The following STON2 variants were observed in gnomAD, a reference collection of about 807,000 sequenced individuals.
The protein encoded by STON2 is stonin-2.
A neutral mutation model predicts 65.7 loss-of-function variants in STON2; 29 were observed. That is an observed-to-expected ratio of 0.44 (90% CI 0.33 to 0.60). STON2 has a LOEUF of 0.60. Among genes scored for constraint, STON2 ranks in the 20% least tolerant of loss-of-function variants. The pLI is 0.03. For synonymous variants in STON2, 404 were observed against 414.2 expected (o/e 0.98, Z 0.30); for missense variants, 1,054 against 1,118.1 (o/e 0.94, Z 0.82).
intron 4 of STON2, among the ~76,000 whole-genome samples, chr14:81,334,865 T>G (rs1320541512): frequency 1.3e-5 from 2 of 151,954 alleles, no homozygotes; most frequent in Non-Finnish European, 2.9e-5. Flanking sequence ...AGAGACAGAG[T>G]CTCATTCTGT....
At position 81,286,632 on chromosome 14, in the gene STON2, C is replaced by G. The variant is rs573556158; in HGVS notation, c.743-7893G>C. Among the ~76,000 whole-genome samples, 29 of 152,330 alleles carry G rather than the reference C, an allele frequency of 1.9e-4. 1 individual carries two copies. In the South Asian group the frequency reaches 5.8e-3, roughly 30 times the overall value. Reference sequence around the variant, plus strand: ...GTGACTTGCTCTACTGCAATCCTTGCTTTATTGCAGTGGTCTGAAACCAAA... The same window carrying G: ...GTGACTTGCTCTACTGCAATCCTTGGTTTATTGCAGTGGTCTGAAACCAAA... On this transcript the variant is annotated intron_variant, in intron 5 of 7. Coordinates refer to ENST00000614646, the MANE Select transcript of STON2 (RefSeq NM_001394390.1).
At chr14:81,434,823 G>A (rs1902351582) in intron 1 of STON2, among the ~76,000 whole-genome samples, 1 of 152,160 alleles carries the variant, frequency 6.6e-6, no homozygotes, top group South Asian at 2.1e-4. Flanking sequence ...AGAAAAGAAA[G>A]TGACACAGTG....
chr14:81,345,176 T>C (rs1897763737), intron 4 of STON2, among the ~76,000 whole-genome samples: 1 of 152,208 alleles, frequency 6.6e-6, no homozygotes, highest in Non-Finnish European at 1.5e-5. Context: ...GGGAGGAAAC[T>C]TCTGAATTGT....
At chr14:81,290,833 A>G (rs949583890) in intron 5 of STON2, among the ~76,000 whole-genome samples, 2 of 152,214 alleles carry the variant, frequency 1.3e-5, no homozygotes, top group African/African-American at 4.8e-5. Context: ...TTTAGTTACC[A>G]AGATCAAAGG....
intron 4 of STON2, among the ~76,000 whole-genome samples, chr14:81,350,910 T>C (rs972723385): frequency 5.9e-5 from 9 of 152,200 alleles, no homozygotes; most frequent in African/African-American, 2.2e-4. Flanking sequence ...TAAATCTTTC[T>C]GAAGCCCTGA....
intron 1 of STON2, among the ~76,000 whole-genome samples, chr14:81,435,545 G>C (rs552512493): frequency 6.6e-6 from 1 of 152,258 alleles, no homozygotes; most frequent in East Asian, 1.9e-4. Context: ...AGGGGGAAAC[G>C]GGGAGCGTCG....
rs907281591 is a variant in STON2 at position 81,420,704 on chromosome 14, G to T, written c.-199+6398C>A. 6.6e-5 allele frequency among the ~76,000 whole-genome samples: 10 copies of T among 152,142 alleles called. 1 individual carries two copies. The highest frequency in any genetic ancestry group is 3.3e-4 in the Admixed American group (5 of 15,270). On this transcript the variant is annotated intron_variant, in intron 2 of 8. Coordinates refer to the STON2 transcript ENST00000553821. ...TAGAAATTAGTTCTGTGAGGCAGGG[G>T]TCACTGGTGGAGAAAATGGACATTC... is the stretch of plus-strand genomic sequence containing the variant.
chr14:81,332,996 C>A, intron 4 of STON2: 1 of 528,180 alleles, frequency 1.9e-6, no homozygotes, highest in South Asian at 2.1e-5. Context: ...TTGGCCTTTG[C>A]AGTCCCCCTG....
At chr14:81,418,996 G>C (rs1901574198) in intron 2 of STON2, among the ~76,000 whole-genome samples, 1 of 151,468 alleles carries the variant, frequency 6.6e-6, no homozygotes, top group Admixed American at 6.6e-5. Flanking sequence ...AAAAGTTTCA[G>C]ACCAAGAAAA....
At chr14:81,284,061 CA>C (rs1595291597) in intron 5 of STON2, among the ~76,000 whole-genome samples, 1 of 152,182 alleles carries the variant, frequency 6.6e-6, no homozygotes, top group African/African-American at 2.4e-5. Context: ...TAAACTTAAT[CA>C]ATAAAATGTG....
chr14:81,388,849 T>C (rs111821102), intron 3 of STON2, among the ~76,000 whole-genome samples: 4,777 of 152,278 alleles, frequency 0.031, 107 homozygotes, highest in African/African-American at 0.062. Flanking sequence ...GCTAGTCTCT[T>C]TCCCAACTTC....
intron 4 of STON2, among the ~76,000 whole-genome samples, chr14:81,331,624 A>G (rs918806697): frequency 2.0e-5 from 3 of 152,214 alleles, no homozygotes; most frequent in African/African-American, 7.2e-5. Context: ...AGACCCTCAG[A>G]TCACTTCATA....
At chr14:81,310,754 T>C (rs1896392930) in intron 5 of STON2, among the ~76,000 whole-genome samples, 1 of 152,186 alleles carries the variant, frequency 6.6e-6, no homozygotes, top group Admixed American at 6.5e-5. Context: ...GGAAACCTCC[T>C]GTTTCCTCTC....
intron 2 of STON2, among the ~76,000 whole-genome samples, chr14:81,421,032 G>T (rs1328498163): frequency 1.3e-5 from 2 of 152,170 alleles, no homozygotes; most frequent in African/African-American, 4.8e-5. Flanking sequence ...GCTCAGAAAT[G>T]AGGTTCATGT....
intron 5 of STON2, among the ~76,000 whole-genome samples, chr14:81,312,406 A>T (rs1438508298): frequency 2.0e-5 from 3 of 152,238 alleles, no homozygotes; most frequent in Admixed American, 1.3e-4. Context: ...CCTGTCTTCA[A>T]GGTAACGCAA....
intron 3 of STON2, among the ~76,000 whole-genome samples, chr14:81,371,692 G>GAAAAAAAA (rs1899006102): frequency 1.0e-5 from 1 of 98,238 alleles, no homozygotes; most frequent in African/African-American, 3.6e-5. Flanking sequence ...AAAAAAAAAA[G>GAAAAAAAA]AAAAGAAAAG....
chr14:81,330,329 C>G (rs1158671475), intron 4 of STON2, among the ~76,000 whole-genome samples: 2 of 152,182 alleles, frequency 1.3e-5, no homozygotes, highest in Non-Finnish European at 2.9e-5. Flanking sequence ...TGGCCACTCA[C>G]AAGCCCTCCC....
chr14:81,408,974 A>AT (rs996290665), intron 2 of STON2, among the ~76,000 whole-genome samples: 35 of 152,084 alleles, frequency 2.3e-4, no homozygotes, highest in African/African-American at 8.2e-4. Flanking sequence ...TCCACTTCAT[A>AT]TTTTTTTTGA....
chr14:81,387,568 T>C (rs1458055988), intron 3 of STON2, among the ~76,000 whole-genome samples: 1 of 152,144 alleles, frequency 6.6e-6, no homozygotes, highest in Non-Finnish European at 1.5e-5. Flanking sequence ...GAACTGATGC[T>C]CTTTTTCCAT....
Sources: allele counts gnomAD v4.1 joint callset (sites outside exome capture counted in the v4.1 genomes callset), GRCh38; gene constraint gnomAD v4.1.1; transcripts MANE v1.5; gene names NCBI Gene and HGNC (gene_info 2026-07-23, HGNC 2026-07-21).